Variants in PELI2 observed in about 807,000 individuals in gnomAD.
PELI2 encodes the protein pellino E3 ubiquitin protein ligase family member 2.
In PELI2, 23 loss-of-function variants were observed where a neutral mutation model predicts 42.3. The ratio of observed to expected loss-of-function variants is 0.54; its 90% CI spans 0.39 to 0.77. The LOEUF (loss-of-function observed/expected upper bound fraction) is 0.77. PELI2 is among the 30% of genes least tolerant of loss of function. The pLI is 0.00. For synonymous variants in PELI2, 245 were observed against 212.2 expected (o/e 1.15, Z -1.34); for missense variants, 463 against 553.2 (o/e 0.84, Z 1.64).
chr14:56,237,656 A>G (rs1461556549), intron 2 of PELI2, among the ~76,000 whole-genome samples: 1 of 150,634 alleles, frequency 6.6e-6, no homozygotes, highest in Non-Finnish European at 1.5e-5. Flanking sequence ...ATCCCCAAGC[A>G]TCATAATTGC....
chr14:56,159,399 A>G (rs1019902428), intron 1 of PELI2, among the ~76,000 whole-genome samples: 2 of 152,254 alleles, frequency 1.3e-5, no homozygotes, highest in African/African-American at 2.4e-5. Context: ...GGCACATTTC[A>G]TGCCAAAGCA....
chr14:56,276,745 A>C (rs1372694687), intron 2 of PELI2, among the ~76,000 whole-genome samples: 3 of 152,136 alleles, frequency 2.0e-5, no homozygotes, highest in Admixed American at 6.5e-5. Flanking sequence ...GTACTTTTTT[A>C]ATCTAAAAGA....
chr14:56,255,166 A>C (rs932698650), intron 2 of PELI2, among the ~76,000 whole-genome samples: 1 of 152,214 alleles, frequency 6.6e-6, no homozygotes, highest in South Asian at 2.1e-4. Flanking sequence ...AAGTCATTCT[A>C]CTATAAAGAC....
intron 2 of PELI2, among the ~76,000 whole-genome samples, chr14:56,269,238 A>C (rs1889014877): frequency 6.6e-6 from 1 of 152,076 alleles, no homozygotes; most frequent in Non-Finnish European, 1.5e-5. Context: ...CCTAGGAGTT[A>C]GAAACCAGCC....
intron 2 of PELI2, among the ~76,000 whole-genome samples, chr14:56,222,910 A>T (rs1225965601): frequency 5.3e-5 from 8 of 152,226 alleles, no homozygotes; most frequent in Admixed American, 6.5e-5. Flanking sequence ...GAAGGTGTTG[A>T]TGGAGAAAGG....
intron 1 of PELI2, among the ~76,000 whole-genome samples, chr14:56,152,165 G>A (rs1227327217): frequency 6.6e-6 from 1 of 152,214 alleles, no homozygotes; most frequent in Non-Finnish European, 1.5e-5. Flanking sequence ...CCATTACGTG[G>A]CCACATCTAG....
intron 2 of PELI2, among the ~76,000 whole-genome samples, chr14:56,202,014 G>A (rs4901647): frequency 0.4 from 61,150 of 151,894 alleles, 12,984 homozygotes; most frequent in South Asian, 0.53. Flanking sequence ...CTATTGCCCT[G>A]TTTGACAGAT....
At chr14:56,280,679 C>G (rs978935127) in intron 3 of PELI2, among the ~76,000 whole-genome samples, 30 of 151,816 alleles carry the variant, frequency 2.0e-4, no homozygotes, top group African/African-American at 7.0e-4. Flanking sequence ...ACAAAAAGTT[C>G]TAGAAAAAAA....
At position 56,223,604 on chromosome 14, in the gene PELI2, C is replaced by A. The variant is rs114248206; in HGVS notation, c.207+45140C>A. Among the ~76,000 whole-genome samples, 540 of 152,250 alleles carry A rather than the reference C, an allele frequency of 3.5e-3. 7 individuals carry two copies. The highest frequency in any genetic ancestry group is 0.012 in the African/African-American group (519 of 41,526). On this transcript the variant is annotated intron_variant, in intron 2 of 5. Coordinates refer to ENST00000267460, the MANE Select transcript of PELI2 (RefSeq NM_021255.3). Reference sequence around the variant, plus strand: ...AAAGCAGATGTAGAGAGAGGAAAATCTAATTGTAAAAGAGCCTGTTTATAA... The same window carrying A: ...AAAGCAGATGTAGAGAGAGGAAAATATAATTGTAAAAGAGCCTGTTTATAA...
In PELI2 at chr14:56,151,455, C is replaced by G. The variant is rs568707699; in HGVS notation, c.78-26880C>G. ...ACAACATTACTTATTGTAAGTGTTG[C>G]AGATTTCTCAAGGGGCTGAACTTCT... On this transcript the variant is annotated intron_variant, in intron 1 of 5. Coordinates refer to ENST00000267460, the MANE Select transcript of PELI2 (RefSeq NM_021255.3). Among the ~76,000 whole-genome samples the G allele has an allele frequency of 2.0e-5, 3 of 152,322 alleles. No individual in the cohort carries two copies. The South Asian group carries it at 6.2e-4, about 32-fold the overall frequency.
rs180686818 is a variant in PELI2 at position 56,279,439 on chromosome 14, T to G, written c.208-237T>G. Among the ~76,000 whole-genome samples, 81 of 152,246 alleles carry G rather than the reference T, an allele frequency of 5.3e-4. 1 individual carries two copies. The highest frequency in any genetic ancestry group is 4.0e-3 in the East Asian group (21 of 5,188). On this transcript the variant is annotated intron_variant, in intron 2 of 5. Transcript: ENST00000267460. ...GTCTTGCAAACTAGTAAATAAACTTTGATTTGATTTAATAAAATATTGTTC... is the reference window on the plus strand; with the variant it reads ...GTCTTGCAAACTAGTAAATAAACTTGGATTTGATTTAATAAAATATTGTTC...
Position 56,296,848 on chromosome 14 carries a change from C to T in PELI2, c.945C>T (p.His315=), listed in dbSNP as rs141588165. The T allele has an allele frequency of 2.5e-4, 396 of 1,614,122 alleles. 1 individual carries two copies. The African/African-American group carries it at 4.2e-3, about 17-fold the overall frequency. The change falls in exon 6 of 6, where the codon CAC becomes CAT. Residue 315 remains histidine, a synonymous_variant. Coordinates refer to ENST00000267460, the MANE Select transcript of PELI2 (RefSeq NM_021255.3). The part of the protein sequence containing the change: ...KQPWAYLSCG[H]VHGYHNWGHR... ...CCTGGGCATATCTCAGTTGTGGCCA[C>T]GTGCACGGGTACCACAACTGGGGCC...
chr14:56,264,269 T>TC (rs1450516421), intron 2 of PELI2, among the ~76,000 whole-genome samples: 1 of 152,196 alleles, frequency 6.6e-6, no homozygotes. Flanking sequence ...TTTGAAATGT[T>TC]CCCCCAACCA....
chr14:56,207,650 G>A (rs1886567670), intron 2 of PELI2, among the ~76,000 whole-genome samples: 1 of 152,232 alleles, frequency 6.6e-6, no homozygotes, highest in Non-Finnish European at 1.5e-5. Flanking sequence ...CAGATAGGGA[G>A]ATTGCTAGGA....
chr14:56,213,878 G>A (rs928439616), intron 2 of PELI2, among the ~76,000 whole-genome samples: 2 of 152,142 alleles, frequency 1.3e-5, no homozygotes, highest in South Asian at 2.1e-4. Context: ...TTGAGACAGG[G>A]TCTCACTCTG....
intron 2 of PELI2, among the ~76,000 whole-genome samples, chr14:56,217,400 G>C (rs561537914): frequency 3.7e-4 from 57 of 152,342 alleles, no homozygotes; most frequent in African/African-American, 1.3e-3. Context: ...CAGGTGTGCA[G>C]AGACCATTAA....
intron 2 of PELI2, among the ~76,000 whole-genome samples, chr14:56,229,702 A>T (rs74411920): frequency 6.6e-6 from 1 of 152,344 alleles, no homozygotes; most frequent in East Asian, 1.9e-4. Flanking sequence ...CCCCAAAGGA[A>T]TGCAGCTCCT....
intron 2 of PELI2, among the ~76,000 whole-genome samples, chr14:56,187,318 T>C (rs1464669992): frequency 6.6e-6 from 1 of 152,166 alleles, no homozygotes; most frequent in Non-Finnish European, 1.5e-5. Context: ...GGAAGTTGCC[T>C]TGTAGACCTA....
In PELI2 at chr14:56,237,318, C is replaced by T. The variant is rs148760040; in HGVS notation, c.208-42358C>T. Among the ~76,000 whole-genome samples the T allele has an allele frequency of 7.6e-3, 1,158 of 152,270 alleles. 13 individuals are homozygous for T. Among genetic ancestry groups the T allele is most frequent in the African/African-American group, 0.027 (1,102 of 41,544 alleles). ...ATTATTTATTTAGCCTGTCTGCTTTCCACTACAGGGGCTAGGAAGATTCAC... is the reference window on the plus strand; with the variant it reads ...ATTATTTATTTAGCCTGTCTGCTTTTCACTACAGGGGCTAGGAAGATTCAC... On this transcript the variant is annotated intron_variant, in intron 2 of 5. Coordinates refer to ENST00000267460, the MANE Select transcript of PELI2 (RefSeq NM_021255.3).
Sources: allele counts gnomAD v4.1 joint callset (sites outside exome capture counted in the v4.1 genomes callset), GRCh38; gene constraint gnomAD v4.1.1; transcripts MANE v1.5; gene names NCBI Gene and HGNC (gene_info 2026-07-23, HGNC 2026-07-21).